Variants in IGF2R observed in about 807,000 individuals in gnomAD.
The protein encoded by IGF2R is cation-independent mannose-6-phosphate receptor.
In IGF2R, 91 loss-of-function variants were observed where a neutral mutation model predicts 270.6. The ratio of observed to expected loss-of-function variants is 0.34; its 90% CI spans 0.28 to 0.40. IGF2R has a LOEUF of 0.40. Among genes scored for constraint, IGF2R ranks in the 10% least tolerant of loss-of-function variants. The pLI is 1.00. For synonymous variants in IGF2R, 1,316 were observed against 1,258.9 expected (o/e 1.05, Z -0.96); for missense variants, 2,805 against 3,188.3 (o/e 0.88, Z 2.90).
chr6:160,069,521 G>A (rs1778667914), intron 30 of IGF2R, among the ~76,000 whole-genome samples: 2 of 152,280 alleles, frequency 1.3e-5, no homozygotes, highest in South Asian at 2.1e-4. Flanking sequence ...AATAAAGAAG[G>A]TGCATGGACG....
At chr6:160,071,861 A>G (rs761432856) in intron 31 of IGF2R, 49 bp from the exon 32 acceptor site, 9 of 1,602,164 alleles carry the variant, frequency 5.6e-6, no homozygotes, top group South Asian at 3.3e-5. Flanking sequence ...CATGATAGAC[A>G]TGGAGTTTTT....
In IGF2R at chr6:160,073,421, A is replaced by G. The variant is rs752190747; in HGVS notation, c.4899A>G (p.Thr1633=). 1 of 1,614,172 alleles carries G rather than the reference A, an allele frequency of 6.2e-7. No individual in the cohort carries two copies. Among genetic ancestry groups the G allele is most frequent in the African/African-American group, 1.3e-5 (1 of 74,960 alleles). ...RPMLISLDKQ[T]CTLFFSWHTP... ...TGCTCATCTCCCTGGACAAGCAGACATGCACTCTCTTCTTCTCCTGGCACA... is the reference window on the plus strand; with the variant it reads ...TGCTCATCTCCCTGGACAAGCAGACGTGCACTCTCTTCTTCTCCTGGCACA... Residue 1633 remains threonine (T), a synonymous_variant, in exon 34 of 48, where the codon ACA becomes ACG. Coordinates refer to ENST00000356956, the MANE Select transcript of IGF2R (RefSeq NM_000876.4).
rs1207688189 is a variant in IGF2R, at chr6:160,069,894, T to A, written c.4279T>A (p.Cys1427Ser). 6.2e-7 allele frequency: 1 copy of A among 1,614,066 alleles called. No homozygotes were observed. The highest frequency in any genetic ancestry group is 8.5e-7 in the Non-Finnish European group (1 of 1,180,046). The change falls in exon 31 of 48, where the codon TGT (cysteine) becomes AGT (serine). Residue 1427 changes from cysteine to serine, a missense_variant. By Grantham distance (112) the Cys-to-Ser change is moderately radical. This residue lies in a region of IGF2R where 1,851 missense variants were observed against 2,207.2 expected (regional missense o/e 0.84). Coordinates refer to ENST00000356956, the MANE Select transcript of IGF2R (RefSeq NM_000876.4). ...TEPCPPEAAA[C>S]LLGGSKPVNL... The stretch of plus-strand genomic sequence containing the variant: ...GCCGTGCCCTCCAGAAGCAGCCGCG[T>A]GTCTGCTGGGTGGCTCCAAGCCCGT...
rs551859869 is a variant in IGF2R at position 160,028,127 on chromosome 6, T to C, written c.776+813T>C. On this transcript the variant is annotated intron_variant, in intron 6 of 47. Transcript: ENST00000356956. ...GGGTAGCTTAAACCACAGAAATGTA[T>C]TTCCTACACAGTCTAAAGGCTGCAT... Among the ~76,000 whole-genome samples the C allele has an allele frequency of 2.6e-5, 4 of 152,356 alleles. No individual in the cohort carries two copies. In the South Asian group the frequency reaches 8.3e-4, roughly 32 times the overall value.
Position 160,070,023 on chromosome 6 carries a change from A to G in IGF2R, c.4408A>G (p.Thr1470Ala), listed in dbSNP as rs1010570643. The G allele has an allele frequency of 1.3e-5, 21 of 1,614,114 alleles. No individual in the cohort carries two copies. The highest frequency in any genetic ancestry group is 8.0e-5 in the African/African-American group (6 of 74,956). ...LCPDGIRKKS[T>A]TIRFTCSESQ... ...TCCAGATGGGATTCGGAAAAAGTCA[A>G]CCACCATCCGATTCACCTGCAGCGA... Residue 1470 changes from threonine to alanine, a missense_variant, in exon 31 of 48, where the codon ACC becomes GCC. Coordinates refer to ENST00000356956, the MANE Select transcript of IGF2R (RefSeq NM_000876.4).
At chr6:160,006,296 C>T (rs558289257) in intron 2 of IGF2R, 19 of 154,760 alleles carry the variant, frequency 1.2e-4, no homozygotes, top group African/African-American at 4.6e-4. Flanking sequence ...CGTCTCCAGC[C>T]CTCATGCGCC....
intron 34 of IGF2R, 27 bp from the exon 35 acceptor site, chr6:160,073,730 C>A: frequency 6.3e-7 from 1 of 1,592,156 alleles, no homozygotes; most frequent in Non-Finnish European, 8.6e-7. Context: ...TTTTTGTAGA[C>A]TCAAAGCAGT....
Position 160,048,443 on chromosome 6 carries a change from C to A in IGF2R, c.2414C>A (p.Thr805Lys), listed in dbSNP as rs141420320. The A allele has an allele frequency of 5.6e-6, 9 of 1,614,070 alleles. No homozygotes were observed. Among genetic ancestry groups the A allele is most frequent in the Non-Finnish European group, 7.6e-6 (9 of 1,180,006 alleles). The change falls in exon 18 of 48, where the codon ACG becomes AAG. Residue 805 changes from threonine (T) to lysine (K), a missense_variant. Around this residue, in one of 2 missense-constraint regions of IGF2R, gnomAD observed 1,851 missense variants for 2,207.2 expected, o/e 0.84. Transcript: ENST00000356956. ...YAMDNSGEHVTWRKYYINVCR... is the reference protein window; with the variant it reads ...YAMDNSGEHVKWRKYYINVCR... Reference sequence around the variant, plus strand: ...ATGGACAACTCAGGGGAACATGTCACGTGGAGGAAATACTACATTAACGTG... The same window carrying A: ...ATGGACAACTCAGGGGAACATGTCAAGTGGAGGAAATACTACATTAACGTG...
At chr6:160,003,312 A>G (rs1033406809) in intron 2 of IGF2R, 2 of 152,226 alleles carry the variant, frequency 1.3e-5, no homozygotes, top group African/African-American at 2.4e-5. Context: ...GATATTTAAG[A>G]TGATACCTGG....
In IGF2R at chr6:160,034,311, G is replaced by A. The variant is rs8191769; in HGVS notation, c.1212-108G>A. 5.6e-3 allele frequency: 3,681 copies of A among 659,494 alleles called. 109 individuals carry two copies. In the African/African-American group the frequency reaches 0.06, roughly 11 times the overall value. 40.9% of individuals were successfully genotyped at this position (659,494 alleles called of 1,614,324 possible). A position where few individuals can be genotyped will look rare whatever the true frequency, so the allele number is the denominator to read the frequency against. On this transcript the variant is annotated intron_variant, in intron 9 of 47. Transcript: ENST00000356956. ...GAGAGCTTGCTGTTTTAGATCCGTA[G>A]TGATTTGTTGATGCTACGCAAAAGG...
intron 4 of IGF2R, among the ~76,000 whole-genome samples, chr6:160,016,045 A>G (rs1401992800): frequency 6.6e-6 from 1 of 152,150 alleles, no homozygotes; most frequent in Non-Finnish European, 1.5e-5. Flanking sequence ...TTTTCTTTAT[A>G]AATTACCCAG....
chr6:160,041,209 G>A (rs964898116), intron 11 of IGF2R, among the ~76,000 whole-genome samples: 19 of 152,082 alleles, frequency 1.2e-4, no homozygotes, highest in African/African-American at 4.6e-4. Context: ...AAACAGAGCA[G>A]GTGGAATAAT....
Position 160,111,330 on chromosome 6 carries a change from C to A in IGF2R, c.*6246C>A. 1 of 152,484 alleles carries A rather than the reference C, an allele frequency of 6.6e-6. No individual in the cohort carries two copies. Among genetic ancestry groups the A allele is most frequent in the South Asian group, 2.0e-4 (1 of 4,964 alleles). The allele number at this position is 152,484 out of a possible 1,614,324, so 9.4% of individuals were successfully genotyped here. ...CCCTTGGCACAGCAAGACCAACCCC[C>A]CACTTCCTCCTCCTCCTCCTCAGCC... On this transcript the variant is annotated 3_prime_UTR_variant, in exon 48 of 48. Coordinates refer to ENST00000356956, the MANE Select transcript of IGF2R (RefSeq NM_000876.4).
At chr6:159,988,504 C>A (rs1320401771) in intron 1 of IGF2R, among the ~76,000 whole-genome samples, 1 of 123,294 alleles carries the variant, frequency 8.1e-6, no homozygotes, top group Non-Finnish European at 1.6e-5. Flanking sequence ...CAGAGTGAGA[C>A]TCCGTCTCAA....
At chr6:160,029,688 C>A in intron 7 of IGF2R, 33 bp downstream of exon 7, 1 of 1,481,564 alleles carries the variant, frequency 6.7e-7, no homozygotes, top group Non-Finnish European at 9.4e-7. Flanking sequence ...ACTAATGTGG[C>A]GCACAGTAGC....
intron 4 of IGF2R, among the ~76,000 whole-genome samples, chr6:160,015,038 G>A (rs941054230): frequency 1.3e-5 from 2 of 151,700 alleles, no homozygotes; most frequent in African/African-American, 2.4e-5. Flanking sequence ...GGTGTAGGTC[G>A]TTTGATTCAC....
Position 160,070,051 on chromosome 6 carries a change from G to A in IGF2R, c.4436G>A (p.Ser1479Asn), listed in dbSNP as rs1778681514. ...ACCATCCGATTCACCTGCAGCGAGAGCCAAGTGGTAAGGGACTGTTCCTGC... is the reference window on the plus strand; with the variant it reads ...ACCATCCGATTCACCTGCAGCGAGAACCAAGTGGTAAGGGACTGTTCCTGC... ...STTIRFTCSE[S>N]QVNSRPMFIS... Residue 1479 changes from serine (S) to asparagine (N), a missense_variant, in exon 31 of 48, where the codon AGC becomes AAC. Physicochemically the swap from Ser to Asn is conservative, Grantham distance 46. Transcript: ENST00000356956. The A allele has an allele frequency of 1.2e-6, 2 of 1,614,146 alleles. No homozygotes were observed. The highest frequency in any genetic ancestry group is 1.7e-6 in the Non-Finnish European group (2 of 1,179,984).
intron 15 of IGF2R, among the ~76,000 whole-genome samples, chr6:160,046,911 G>A (rs8191800): frequency 6.6e-6 from 1 of 152,212 alleles, no homozygotes; most frequent in Non-Finnish European, 1.5e-5. Flanking sequence ...ATCTCTGTGC[G>A]TATTTCTGCA....
chr6:160,086,195 C>T (rs1332680863), intron 41 of IGF2R, among the ~76,000 whole-genome samples: 1 of 152,212 alleles, frequency 6.6e-6, no homozygotes, highest in African/African-American at 2.4e-5. Flanking sequence ...CTGCAGGCCA[C>T]CTCCATTTGG....
Sources: allele counts gnomAD v4.1 joint callset (sites outside exome capture counted in the v4.1 genomes callset), GRCh38; gene constraint gnomAD v4.1.1; regional missense constraint gnomAD v4.1.1; transcripts MANE v1.5; gene names NCBI Gene and HGNC (gene_info 2026-07-23, HGNC 2026-07-21).